ZBTB20: variants seen among roughly 807,000 people sequenced by gnomAD.
ZBTB20 encodes the protein zinc finger and BTB domain containing 20, also known as zinc finger and BTB domain-containing protein 20.
In ZBTB20, 9 loss-of-function variants were observed where a neutral mutation model predicts 56.9. That is an observed-to-expected ratio of 0.16 (90% CI 0.10 to 0.28). ZBTB20 has a LOEUF of 0.28. Ranked by LOEUF, ZBTB20 falls within the 10% of genes least tolerant of loss-of-function variation. ZBTB20 has a pLI of 1.00. For missense variants in ZBTB20, 655 were observed against 1,003.0 expected, an observed-to-expected ratio of 0.65 and a Z score of 4.69; for synonymous variants, 417 against 420.7, an observed-to-expected ratio of 0.99 and a Z score of 0.11.
intron 1 of ZBTB20, among the ~76,000 whole-genome samples, chr3:115,146,787 T>C (rs988308678): frequency 5.9e-5 from 9 of 152,092 alleles, no homozygotes; most frequent in African/African-American, 2.2e-4. Flanking sequence ...GAGCCCCGGC[T>C]AGTCCCCCTC....
intron 3 of ZBTB20, among the ~76,000 whole-genome samples, chr3:114,969,064 T>A (rs2077765001): frequency 6.6e-6 from 1 of 152,218 alleles, no homozygotes; most frequent in Non-Finnish European, 1.5e-5. Context: ...AGTCATTTAT[T>A]AATATATCTA....
rs771761960 is a variant in ZBTB20 at position 115,062,775 on chromosome 3, C to G, written c.-507+8444G>C. 3.6e-4 allele frequency among the ~76,000 whole-genome samples: 55 copies of G among 152,052 alleles called. 1 individual carries two copies. The highest frequency in any genetic ancestry group is 2.4e-3 in the Admixed American group (37 of 15,256). On this transcript the variant is annotated intron_variant, in intron 2 of 11. Transcript: ENST00000675478. ...CAACAAAAGTGCCTCATATTAGCTA[C>G]AGATGAATAGCTAATGAGTCAGCAA...
intron 1 of ZBTB20, among the ~76,000 whole-genome samples, chr3:115,074,115 T>C (rs751750179): frequency 6.6e-6 from 1 of 152,144 alleles, no homozygotes; most frequent in Non-Finnish European, 1.5e-5. Context: ...CTCTTACCTC[T>C]TTCATCCATA....
At chr3:114,437,451 G>A (rs188784071) in intron 7 of ZBTB20, among the ~76,000 whole-genome samples, 4 of 152,122 alleles carry the variant, frequency 2.6e-5, no homozygotes, top group Admixed American at 1.3e-4. Flanking sequence ...TCCTTTCCTA[G>A]AGCAGGGAGG....
intron 6 of ZBTB20, among the ~76,000 whole-genome samples, chr3:114,634,162 G>C (rs1008040180): frequency 6.6e-6 from 1 of 152,144 alleles, no homozygotes; most frequent in Admixed American, 6.5e-5. Flanking sequence ...TGATACAACT[G>C]AGGCCCAGAT....
At chr3:114,616,840 A>C (rs2057978625) in intron 6 of ZBTB20, among the ~76,000 whole-genome samples, 2 of 152,168 alleles carry the variant, frequency 1.3e-5, no homozygotes, top group Admixed American at 1.3e-4. Flanking sequence ...TCCTCCTCAT[A>C]GCTTTTCTTG....
chr3:114,671,732 A>G (rs1450515228), intron 6 of ZBTB20, among the ~76,000 whole-genome samples: 1 of 152,118 alleles, frequency 6.6e-6, no homozygotes, highest in African/African-American at 2.4e-5. Flanking sequence ...CCAAGAATGA[A>G]AAGATATCTT....
intron 7 of ZBTB20, among the ~76,000 whole-genome samples, chr3:114,464,760 C>T (rs960516325): frequency 5.9e-5 from 9 of 151,814 alleles, no homozygotes; most frequent in African/African-American, 1.7e-4. Flanking sequence ...TTCCTGAGGC[C>T]ATTGTAGACC....
At chr3:115,019,491 A>G (rs1347716949) in intron 2 of ZBTB20, among the ~76,000 whole-genome samples, 1 of 151,282 alleles carries the variant, frequency 6.6e-6, no homozygotes, top group Non-Finnish European at 1.5e-5. Context: ...ACAATAAAAA[A>G]GGAAGTTGCA....
intron 4 of ZBTB20, among the ~76,000 whole-genome samples, chr3:114,805,030 C>T (rs1233904469): frequency 1.3e-5 from 2 of 151,772 alleles, no homozygotes; most frequent in African/African-American, 4.8e-5. Context: ...ATAAATTCTC[C>T]ATTTGCTTTT....
At chr3:114,864,289 A>G (rs1320622550) in intron 4 of ZBTB20, among the ~76,000 whole-genome samples, 1 of 152,042 alleles carries the variant, frequency 6.6e-6, no homozygotes, top group East Asian at 1.9e-4. Context: ...AATTCAATCC[A>G]ATAAAATTAA....
chr3:114,764,783 C>A (rs2068674313), intron 5 of ZBTB20, among the ~76,000 whole-genome samples: 2 of 152,086 alleles, frequency 1.3e-5, no homozygotes, highest in South Asian at 4.2e-4. Flanking sequence ...ATCCAGCAAT[C>A]TTATATTCAT....
chr3:114,525,019 T>A (rs1270109313), intron 6 of ZBTB20, among the ~76,000 whole-genome samples: 1 of 152,166 alleles, frequency 6.6e-6, no homozygotes, highest in Non-Finnish European at 1.5e-5. Flanking sequence ...TGGCCTCCAA[T>A]TTTGAATACT....
At chr3:115,118,702 A>ATTTTT (rs2084091309) in intron 1 of ZBTB20, among the ~76,000 whole-genome samples, 1 of 131,622 alleles carries the variant, frequency 7.6e-6, no homozygotes, top group African/African-American at 3.0e-5. Flanking sequence ...ACCTGGTACA[A>ATTTTT]ATTTTTTTTT....
At chr3:115,054,460 A>G (rs960601103) in intron 2 of ZBTB20, among the ~76,000 whole-genome samples, 3 of 152,134 alleles carry the variant, frequency 2.0e-5, no homozygotes, top group Admixed American at 6.6e-5. Flanking sequence ...GAATTATCTC[A>G]CATTTTTGCA....
At chr3:115,050,362 C>A (rs972775802) in intron 2 of ZBTB20, among the ~76,000 whole-genome samples, 1 of 151,584 alleles carries the variant, frequency 6.6e-6, no homozygotes. Flanking sequence ...ATCTAAAGCT[C>A]CCTTCAAAAG....
intron 1 of ZBTB20, among the ~76,000 whole-genome samples, chr3:115,106,260 G>A (rs1484225309): frequency 3.7e-5 from 5 of 135,546 alleles, no homozygotes; most frequent in Non-Finnish European, 6.3e-5. Flanking sequence ...TTGAGACAGA[G>A]TCTCACTCTG....
At chr3:114,432,998 A>G (rs2090231143) in intron 7 of ZBTB20, among the ~76,000 whole-genome samples, 1 of 152,164 alleles carries the variant, frequency 6.6e-6, no homozygotes, top group South Asian at 2.1e-4. Context: ...GGGTGTACAA[A>G]ACCATTTGGT....
chr3:114,539,425 A>T (rs1265215385), intron 6 of ZBTB20, among the ~76,000 whole-genome samples: 1 of 152,104 alleles, frequency 6.6e-6, no homozygotes, highest in Non-Finnish European at 1.5e-5. Flanking sequence ...TAAAGTTTTC[A>T]AAGTGCTTCC....
Sources: allele counts gnomAD v4.1 joint callset (sites outside exome capture counted in the v4.1 genomes callset), GRCh38; gene constraint gnomAD v4.1.1; transcripts MANE v1.5; gene names NCBI Gene and HGNC (gene_info 2026-07-23, HGNC 2026-07-21).